The following OR14I1 variants were observed in gnomAD, a reference collection of about 807,000 sequenced individuals.
The protein encoded by OR14I1 is olfactory receptor family 14 subfamily I member 1.
For synonymous variants in OR14I1, 118 were observed against 71.1 expected (o/e 1.66, Z -3.32); for missense variants, 279 against 181.8 (o/e 1.53, Z -3.07).
upstream of OR14I1, chr1:248,682,371 G>T: frequency 1.5e-6 from 1 of 658,638 alleles, no homozygotes; most frequent in Non-Finnish European, 2.8e-6. Context: ...GAGACAAAAA[G>T]TGAACACAGT....
At chr1:248,685,520 A>T (rs1393154047), upstream of OR14I1, among the ~76,000 whole-genome samples, 1 of 152,174 alleles carries the variant, frequency 6.6e-6, no homozygotes, top group African/African-American at 2.4e-5. Flanking sequence ...CGGTAGATGT[A>T]AAATTCTACA....
chr1:248,685,688 C>T (rs6698307), upstream of OR14I1, among the ~76,000 whole-genome samples: 9,466 of 148,952 alleles, frequency 0.064, 343 homozygotes, highest in Non-Finnish European at 0.073. Context: ...ATATATAGTT[C>T]GTGTATATAT....
chr1:248,698,296 G>A, the OR14I1 span, among the ~76,000 whole-genome samples: 26,947 of 152,208 alleles, frequency 0.18, 2,845 homozygotes, highest in African/African-American at 0.3. Context: ...CATCGAGAGC[G>A]TAGAATATGT....
the OR14I1 span, among the ~76,000 whole-genome samples, chr1:248,687,380 ACT>A: frequency 1.3e-5 from 2 of 152,128 alleles, no homozygotes; most frequent in African/African-American, 4.8e-5. Flanking sequence ...TTGCACATAG[ACT>A]CTCAGAAAAT....
the OR14I1 span, among the ~76,000 whole-genome samples, chr1:248,689,943 A>G: frequency 3.9e-4 from 59 of 152,342 alleles, no homozygotes; most frequent in African/African-American, 1.4e-3. Context: ...CCACACAACT[A>G]CATGGAAACT....
chr1:248,685,347 G>A (rs553531506), upstream of OR14I1, among the ~76,000 whole-genome samples: 1 of 152,104 alleles, frequency 6.6e-6, no homozygotes, highest in Non-Finnish European at 1.5e-5. Context: ...AGAACTCAAT[G>A]AAACAAGTAA....
upstream of OR14I1, among the ~76,000 whole-genome samples, chr1:248,686,650 C>T (rs996829619): frequency 5.7e-5 from 7 of 122,538 alleles, 1 homozygote; most frequent in Admixed American, 3.1e-4. Context: ...TTTAAGCAAA[C>T]ATGTCTTGAT....
chr1:248,679,233 T>C (rs944675499), downstream of OR14I1, among the ~76,000 whole-genome samples: 2 of 152,176 alleles, frequency 1.3e-5, no homozygotes, highest in Admixed American at 6.5e-5. Flanking sequence ...AAAAACTCTG[T>C]ACAAATTTTG....
chr1:248,691,441 A>G, the OR14I1 span, among the ~76,000 whole-genome samples: 11 of 152,236 alleles, frequency 7.2e-5, no homozygotes, highest in Non-Finnish European at 1.5e-5. Context: ...CCGTCAGAGA[A>G]TTAAGTATAT....
exon 1 of OR14I1, chr1:248,681,580 T>C (rs774109731): frequency 1.3e-6 from 1 of 780,926 alleles, no homozygotes; most frequent in Non-Finnish European, 2.4e-6. Context: ...GACAATGAGC[T>C]GGGGGGAGCA....
chr1:248,701,411 C>T, the OR14I1 span, among the ~76,000 whole-genome samples: 9 of 152,192 alleles, frequency 5.9e-5, no homozygotes, highest in Non-Finnish European at 1.0e-4. Flanking sequence ...ACCTCAGTCT[C>T]CCAAAGGGCT....
the OR14I1 span, among the ~76,000 whole-genome samples, chr1:248,695,632 A>T: frequency 6.6e-6 from 1 of 152,172 alleles, no homozygotes; most frequent in African/African-American, 2.4e-5. Flanking sequence ...TAATGGTTGT[A>T]GTGGTGGAGA....
chr1:248,699,087 A>G, the OR14I1 span: 8 of 152,344 alleles, frequency 5.3e-5, no homozygotes, highest in Middle Eastern at 3.4e-3. Context: ...CCATTTATGA[A>G]TTAAACCTGA....
chr1:248,694,185 G>T, the OR14I1 span, among the ~76,000 whole-genome samples: 1 of 152,190 alleles, frequency 6.6e-6, no homozygotes, highest in Admixed American at 6.5e-5. Flanking sequence ...TTGCTCTGCT[G>T]ATCAGAGATT....
At chr1:248,686,679 T>G (rs76446242), upstream of OR14I1, among the ~76,000 whole-genome samples, 2,477 of 144,778 alleles carry the variant, frequency 0.017, 253 homozygotes, top group African/African-American at 0.05. Flanking sequence ...CATAAAAAAT[T>G]TGAAATGATT....
upstream of OR14I1, among the ~76,000 whole-genome samples, chr1:248,682,967 C>T (rs1165407546): frequency 6.6e-6 from 1 of 152,126 alleles, no homozygotes; most frequent in Non-Finnish European, 1.5e-5. Context: ...ATGCCATTAC[C>T]CATGTGTTGC....
downstream of OR14I1, among the ~76,000 whole-genome samples, chr1:248,680,899 T>C (rs1661546731): frequency 6.6e-6 from 1 of 151,980 alleles, no homozygotes; most frequent in Non-Finnish European, 1.5e-5. Context: ...GTTCCTGTTC[T>C]AATAACCCTT....
chr1:248,702,742 CT>C, the OR14I1 span, among the ~76,000 whole-genome samples: 1 of 152,082 alleles, frequency 6.6e-6, no homozygotes, highest in South Asian at 2.1e-4. Flanking sequence ...TGATGTGGGC[CT>C]GCTGTTCTCC....
chr1:248,684,707 A>C (rs1047046383), upstream of OR14I1, among the ~76,000 whole-genome samples: 24 of 152,002 alleles, frequency 1.6e-4, no homozygotes, highest in African/African-American at 5.8e-4. Flanking sequence ...AGTCATATGC[A>C]TTTAAACATT....
Sources: allele counts gnomAD v4.1 joint callset (sites outside exome capture counted in the v4.1 genomes callset), GRCh38; gene constraint gnomAD v4.1.1; transcripts MANE v1.5; gene names NCBI Gene and HGNC (gene_info 2026-07-23, HGNC 2026-07-21).